Variants in DST observed in about 807,000 individuals in gnomAD.
The protein encoded by DST is bullous pemphigoid antigen.
Under a neutral mutation model 875.2 loss-of-function variants are expected in DST, and 253 were observed. The observed-to-expected ratio is 0.29, with a 90% CI of 0.26 to 0.32. The LOEUF (loss-of-function observed/expected upper bound fraction) is 0.32. DST is among the 10% of genes least tolerant of loss of function. The probability of loss-of-function intolerance (pLI) is 1.00; values close to 1 mark genes in which losing one functional copy is unlikely to be tolerated. For synonymous variants in DST, 3,124 were observed against 3,197.1 expected, an observed-to-expected ratio of 0.98 and a Z score of 0.77; for missense variants, 8,287 against 9,111.6, an observed-to-expected ratio of 0.91 and a Z score of 3.68.
chr6:56,820,861 C>T (rs2099772297), intron 4 of DST, among the ~76,000 whole-genome samples: 2 of 152,110 alleles, frequency 1.3e-5, no homozygotes, highest in East Asian at 1.9e-4. Context: ...TCTCCCTATA[C>T]GTTGCTGTGT....
intron 9 of DST, chr6:56,693,056 C>G (rs996380404): frequency 1.6e-6 from 2 of 1,289,636 alleles, no homozygotes; most frequent in African/African-American, 3.0e-5. Flanking sequence ...TATTTTCTTC[C>G]AGGAGAGTAT....
chr6:56,497,325 A>G, intron 82 of DST, 54 bp downstream of exon 82: 1 of 1,590,954 alleles, frequency 6.3e-7, no homozygotes, highest in East Asian at 2.2e-5. Context: ...GGGCCCATAT[A>G]ACATGGTCAG....
chr6:56,537,824 C>T (rs1179786556), intron 61 of DST, among the ~76,000 whole-genome samples: 2 of 152,160 alleles, frequency 1.3e-5, no homozygotes, highest in Non-Finnish European at 2.9e-5. Context: ...ATTTGTTTTC[C>T]TTACAGTAGT....
At chr6:56,884,919 A>G (rs1783942998) in intron 3 of DST, among the ~76,000 whole-genome samples, 1 of 152,022 alleles carries the variant, frequency 6.6e-6, no homozygotes, top group South Asian at 2.1e-4. Context: ...TTTAGTAGAG[A>G]CGGGGTTTCA....
chr6:56,780,362 T>C (rs1320775302), intron 4 of DST, among the ~76,000 whole-genome samples: 1 of 151,838 alleles, frequency 6.6e-6, no homozygotes, highest in African/African-American at 2.4e-5. Context: ...AGTGTTCCTA[T>C]TTCTCCACAT....
chr6:56,610,627 G>C, intron 38 of DST, 65 bp from the exon 39 acceptor site: 1 of 1,379,262 alleles, frequency 7.3e-7, no homozygotes, highest in Non-Finnish European at 9.7e-7. Context: ...GATGTATTAG[G>C]TTCAATAATT....
rs1014998080 is a variant in DST, at chr6:56,670,725, T to C, written c.1130A>G (p.Glu377Gly). 6.2e-7 allele frequency: 1 copy of C among 1,610,900 alleles called. No homozygotes were observed. The highest frequency in any genetic ancestry group is 8.5e-7 in the Non-Finnish European group (1 of 1,178,416). ...TTCACACCGAATTCCAGCATAACCC[T>C]CTGTTGCCTGCTGCGTCCAGAGTAG... is the stretch of plus-strand genomic sequence containing the variant. ...RLLLWTQQAT[E>G]GYAGIRCENF... Residue 377 changes from glutamate (E) to glycine (G), a missense_variant, in exon 10 of 104, where the codon GAG becomes GGG. Transcript: ENST00000680361.
chr6:56,556,194 G>A (rs889223931), intron 59 of DST, among the ~76,000 whole-genome samples: 1 of 152,180 alleles, frequency 6.6e-6, no homozygotes, highest in East Asian at 1.9e-4. Context: ...TTTTGTCTTC[G>A]TAGGATTTTT....
chr6:56,888,979 T>C (rs371249687), intron 3 of DST, among the ~76,000 whole-genome samples: 2 of 152,202 alleles, frequency 1.3e-5, no homozygotes, highest in East Asian at 1.9e-4. Flanking sequence ...TGGCCTTTTC[T>C]TGGCCTAAAA....
Position 56,497,498 on chromosome 6 carries a change from A to T in DST, c.20104T>A (p.Phe6702Ile). 6.2e-7 allele frequency: 1 copy of T among 1,612,810 alleles called. No homozygotes were observed. The highest frequency in any genetic ancestry group is 8.5e-7 in the Non-Finnish European group (1 of 1,179,314). Reference sequence around the variant, plus strand: ...TGCAAATCCTCAATTTCGCCATGGAACCCTTTGGCCTGAAGTAATAGGCAG... The same window carrying T: ...TGCAAATCCTCAATTTCGCCATGGATCCCTTTGGCCTGAAGTAATAGGCAG... ...LDGALRQAKG[F>I]HGEIEDLQQW... is the part of the protein sequence containing the mutation. Residue 6702 changes from phenylalanine (F) to isoleucine (I), a missense_variant, in exon 82 of 104, where the codon TTC becomes ATC. By Grantham distance (21) the Phe-to-Ile change is conservative (BLOSUM62 0). Around this residue, in one of 10 missense-constraint regions of DST, gnomAD observed 1,292 missense variants for 1,552.7 expected, o/e 0.83. Transcript: ENST00000680361.
chr6:56,867,415 T>G (rs1375130220), intron 3 of DST, among the ~76,000 whole-genome samples: 2 of 152,246 alleles, frequency 1.3e-5, no homozygotes, highest in Non-Finnish European at 2.9e-5. Context: ...TAACTTCATT[T>G]CTTTTACAGT....
intron 4 of DST, among the ~76,000 whole-genome samples, chr6:56,832,361 G>A (rs530671140): frequency 7.9e-5 from 12 of 152,014 alleles, no homozygotes; most frequent in South Asian, 2.1e-4. Flanking sequence ...TAAGTCTCAC[G>A]AGATTCTGAT....
chr6:56,931,691 G>A (rs1810303033), intron 2 of DST, among the ~76,000 whole-genome samples: 1 of 152,212 alleles, frequency 6.6e-6, no homozygotes, highest in Non-Finnish European at 1.5e-5. Flanking sequence ...TGTGAGACCT[G>A]GAGTCACAGA....
In DST at chr6:56,597,881, G is replaced by A. The variant is rs763190713; in HGVS notation, c.12054C>T (p.Asn4018=). ...GTKHKQVIEQ[N]GTHFQEGDGK... is the part of the protein sequence containing the mutation. ...CATCACCTTCTTGAAAATGGGTCCCGTTCTGTTCGATTACCTGTTTGTGTT... is the reference window on the plus strand; with the variant it reads ...CATCACCTTCTTGAAAATGGGTCCCATTCTGTTCGATTACCTGTTTGTGTT... Residue 4018 remains asparagine (N), a synonymous_variant, in exon 47 of 104, where the codon AAC becomes AAT. Coordinates refer to ENST00000680361, the MANE Select transcript of DST (RefSeq NM_001374736.1). 8.1e-6 allele frequency: 13 copies of A among 1,613,592 alleles called. No individual in the cohort carries two copies. The Admixed American group carries it at 1.3e-4, about 17-fold the overall frequency.
chr6:56,846,936 G>A (rs1216196324), intron 4 of DST, among the ~76,000 whole-genome samples: 1 of 147,520 alleles, frequency 6.8e-6, no homozygotes, highest in Non-Finnish European at 1.5e-5. Flanking sequence ...CCGGGAGGTA[G>A]AGGTTGCAGT....
At chr6:56,914,659 C>G (rs928890986) in intron 2 of DST, among the ~76,000 whole-genome samples, 2 of 152,164 alleles carry the variant, frequency 1.3e-5, no homozygotes, top group African/African-American at 4.8e-5. Flanking sequence ...TTCTGGGAAG[C>G]TGACCTGAAA....
intron 4 of DST, among the ~76,000 whole-genome samples, chr6:56,776,888 A>G (rs571898566): frequency 9.2e-5 from 14 of 152,328 alleles, no homozygotes; most frequent in African/African-American, 3.4e-4. Flanking sequence ...ATCACAATCA[A>G]ATCAAGACTT....
rs775204668 is a variant in DST at position 56,515,767 on chromosome 6, G to A, written c.18358-99C>T. On this transcript the variant is annotated intron_variant, in intron 71 of 103. Transcript: ENST00000680361. ...CACAGTACACCTGGACAGAGTGGGC[G>A]TTTGACAAATATATGTTAAATGAAT... 247 of 812,858 alleles carry A rather than the reference G, an allele frequency of 3.0e-4. 1 individual carries two copies. Among genetic ancestry groups the A allele is most frequent in the Admixed American group, 6.5e-4 (22 of 34,006 alleles). The allele number at this position is 812,858 out of a possible 1,614,324, so 50.4% of individuals were successfully genotyped here.
At chr6:56,546,390 A>G (rs2097227334) in intron 61 of DST, among the ~76,000 whole-genome samples, 1 of 128,018 alleles carries the variant, frequency 7.8e-6, no homozygotes, top group East Asian at 2.2e-4. Flanking sequence ...ATATATATAT[A>G]AATGTCAAAA....
Sources: allele counts gnomAD v4.1 joint callset (sites outside exome capture counted in the v4.1 genomes callset), GRCh38; gene constraint gnomAD v4.1.1; regional missense constraint gnomAD v4.1.1; transcripts MANE v1.5; gene names NCBI Gene and HGNC (gene_info 2026-07-23, HGNC 2026-07-21).